Variants in GLB1L3 observed in about 807,000 individuals in gnomAD.
GLB1L3 encodes beta-galactosidase-1-like protein 3.
In GLB1L3, 89 loss-of-function variants were observed where a neutral mutation model predicts 89.5. The ratio of observed to expected loss-of-function variants is 0.99; its 90% CI spans 0.84 to 1.19. The LOEUF is 1.19. GLB1L3 is among the 50% of genes most tolerant of loss of function. The pLI is 0.00. For synonymous variants in GLB1L3, 314 were observed against 312.3 expected, an observed-to-expected ratio of 1.01 and a Z score of -0.06; for missense variants, 812 against 813.3, an observed-to-expected ratio of 1.00 and a Z score of 0.02.
downstream of GLB1L3, among the ~76,000 whole-genome samples, chr11:134,319,720 G>GTA (rs1457369019): frequency 8.1e-6 from 1 of 122,854 alleles, no homozygotes; most frequent in African/African-American, 3.2e-5. Context: ...CTCTCTCTCT[G>GTA]TGTATGTGTG....
chr11:134,292,363 A>G (rs1371143676), intron 8 of GLB1L3, 150 bp downstream of exon 8: 1 of 601,288 alleles, frequency 1.7e-6, no homozygotes, highest in Non-Finnish European at 3.0e-6. Flanking sequence ...GTTACAATAA[A>G]TGAGGACTCA....
chr11:134,286,932 G>A (rs1282091978), intron 6 of GLB1L3, among the ~76,000 whole-genome samples: 2 of 151,338 alleles, frequency 1.3e-5, no homozygotes, highest in Admixed American at 1.3e-4. Context: ...AGGCCGAGGT[G>A]GGTGGATCAC....
intron 9 of GLB1L3, among the ~76,000 whole-genome samples, chr11:134,301,131 G>A (rs1372896305): frequency 2.0e-5 from 3 of 152,176 alleles, no homozygotes; most frequent in Non-Finnish European, 4.4e-5. Flanking sequence ...AGAGGATCTA[G>A]CCCCAGGTAA....
At chr11:134,306,288 C>A (rs1942201514) in intron 9 of GLB1L3, among the ~76,000 whole-genome samples, 1 of 152,128 alleles carries the variant, frequency 6.6e-6, no homozygotes, top group Non-Finnish European at 1.5e-5. Flanking sequence ...TGAATTTTAA[C>A]TTAGAATTTT....
rs762722221 is a variant in GLB1L3 at position 134,308,357 on chromosome 11, TACC to T, written c.961+1169_961+1171del. 7.3e-3 allele frequency among the ~76,000 whole-genome samples: 89 copies of T among 12,114 alleles called. 1 individual carries two copies. Among genetic ancestry groups the T allele is most frequent in the Middle Eastern group, 0.026 (1 of 38 alleles). The allele number at this position is 12,114 out of a possible 152,430, so 7.9% of individuals were successfully genotyped here. ...CCATCACCATCATCACCATCACCAC[TACC>T]ACCACCACCACCACCACCATCACCA... On this transcript the variant is annotated intron_variant, in intron 10 of 19. Transcript: ENST00000431683.
intron 3 of GLB1L3, among the ~76,000 whole-genome samples, chr11:134,279,509 G>C (rs1295023919): frequency 6.6e-6 from 1 of 151,732 alleles, no homozygotes; most frequent in Non-Finnish European, 1.5e-5. Context: ...TGGGATTATG[G>C]CTCCCGCCAC....
At chr11:134,309,481 C>T in intron 10 of GLB1L3, 145 bp from the exon 11 acceptor site, 1 of 439,966 alleles carries the variant, frequency 2.3e-6, no homozygotes, top group Non-Finnish European at 3.9e-6. Flanking sequence ...TTAAAGTCTC[C>T]ATTCCCAAGA....
rs2136229946 is a variant in GLB1L3, at chr11:134,314,401, A to C, written c.1739A>C (p.Lys580Thr). The C allele has an allele frequency of 1.9e-6, 3 of 1,551,560 alleles. No homozygotes were observed. In the East Asian group the frequency reaches 7.3e-5, roughly 38 times the overall value. The change falls in exon 18 of 20, where the codon AAG (lysine) becomes ACG (threonine). Residue 580 changes from lysine to threonine, a missense_variant. By Grantham distance (78) the Lys-to-Thr change is moderately conservative. Around this residue, in one of 3 missense-constraint regions of GLB1L3, gnomAD observed 618 missense variants for 604.0 expected, o/e 1.02. Coordinates refer to ENST00000431683, the MANE Select transcript of GLB1L3 (RefSeq NM_001080407.3). ...CCGGCCTTCTACTGTGGGACCTTGA[A>C]GGCTGGCCCTTCTCCCAAGGACACC... The part of the protein sequence containing the change: ...QGPAFYCGTL[K>T]AGPSPKDTFL...
At chr11:134,300,804 G>A (rs1941908524) in intron 9 of GLB1L3, among the ~76,000 whole-genome samples, 1 of 152,164 alleles carries the variant, frequency 6.6e-6, no homozygotes, top group Non-Finnish European at 1.5e-5. Context: ...CGGTGACATG[G>A]GATTAAGACC....
chr11:134,315,798 T>A (rs1942952636), intron 18 of GLB1L3, among the ~76,000 whole-genome samples: 1 of 152,186 alleles, frequency 6.6e-6, no homozygotes, highest in South Asian at 2.1e-4. Context: ...TTATCTTTAT[T>A]ATTTTGTTTA....
At chr11:134,307,290 T>C (rs958362975) in intron 10 of GLB1L3, 82 bp downstream of exon 10, 2 of 975,446 alleles carry the variant, frequency 2.1e-6, no homozygotes, top group Non-Finnish European at 3.2e-6. Context: ...CTCTGCTAAT[T>C]GATTCACTTG....
intron 11 of GLB1L3, chr11:134,310,348 G>A: frequency 1.8e-6 from 1 of 545,748 alleles, no homozygotes; most frequent in Non-Finnish European, 3.3e-6. Context: ...GTGAAGAAGT[G>A]GGGGCAAGCC....
chr11:134,297,806 G>C (rs1941729373), intron 9 of GLB1L3, among the ~76,000 whole-genome samples: 1 of 137,816 alleles, frequency 7.3e-6, no homozygotes. Context: ...GTAGCAGTGA[G>C]CCAAGGTCGT....
intron 10 of GLB1L3, among the ~76,000 whole-genome samples, chr11:134,308,226 CCACCACCACCAT>C (rs1565412519): frequency 3.6e-5 from 1 of 27,748 alleles, no homozygotes; most frequent in Non-Finnish European, 8.0e-5. Flanking sequence ...ATCACCATCA[CCACCACCACCAT>C]CACCATCACC....
rs888331463 is a variant in GLB1L3, at chr11:134,277,299, T to A, written c.24-27T>A. 5 of 1,613,594 alleles carry A rather than the reference T, an allele frequency of 3.1e-6. No individual in the cohort carries two copies. In the South Asian group the frequency reaches 5.5e-5, roughly 18 times the overall value. ...CCCGGTGGGGCCGGAACCTTCCCCTTGTCACTGTTGTCCTTTCTCCTTTCA... is the reference window on the plus strand; with the variant it reads ...CCCGGTGGGGCCGGAACCTTCCCCTAGTCACTGTTGTCCTTTCTCCTTTCA... On this transcript the variant is annotated intron_variant, in intron 1 of 19. Transcript: ENST00000431683.
At chr11:134,280,984 A>G (rs1036160276) in intron 3 of GLB1L3, among the ~76,000 whole-genome samples, 1 of 152,230 alleles carries the variant, frequency 6.6e-6, no homozygotes, top group African/African-American at 2.4e-5. Context: ...TAACTCCACT[A>G]TCTTCACAGA....
intron 5 of GLB1L3, 123 bp downstream of exon 5, chr11:134,282,243 C>A: frequency 8.4e-7 from 1 of 1,185,734 alleles, no homozygotes; most frequent in Non-Finnish European, 1.2e-6. Flanking sequence ...AGGTGTGCTG[C>A]CCCACGCCAC....
rs1942403443 is a variant in GLB1L3, at chr11:134,308,350, TC to T, written c.961+1143del. ...ACCATCACCATCACCATCATCACCA[TC>T]ACCACTACCACCACCACCACCACCA... On this transcript the variant is annotated intron_variant, in intron 10 of 19. Transcript: ENST00000431683. 6.7e-4 allele frequency among the ~76,000 whole-genome samples: 13 copies of T among 19,368 alleles called. 1 individual carries two copies. In the South Asian group the frequency reaches 8.9e-3, roughly 13 times the overall value. The allele number at this position is 19,368 out of a possible 152,430, so 12.7% of individuals were successfully genotyped here.
Position 134,277,334 on chromosome 11 carries a change from T to C in GLB1L3, c.32T>C (p.Leu11Pro). The change falls in exon 2 of 20, where the codon CTC (leucine) becomes CCC (proline). Residue 11 changes from leucine to proline, a missense_variant. By Grantham distance (98) the Leu-to-Pro change is moderately conservative. Transcript: ENST00000431683. The stretch of plus-strand genomic sequence containing the variant: ...GTCCTTTCTCCTTTCAGCCCGTGTC[T>C]CTCCTGGAAGAGAATGGCGGGCATC... MKSPPLLSPC[L>P]SWKRMAGIFF... 6.2e-7 allele frequency: 1 copy of C among 1,613,924 alleles called. No individual in the cohort carries two copies. Among genetic ancestry groups the C allele is most frequent in the Non-Finnish European group, 8.5e-7 (1 of 1,179,900 alleles).
Sources: gnomAD v4.1 joint callset for allele counts (sites outside exome capture counted in the v4.1 genomes callset) on GRCh38, gnomAD v4.1.1 for gene constraint, gnomAD v4.1.1 regional missense constraint, MANE v1.5 for transcripts, NCBI Gene and HGNC (gene_info 2026-07-23, HGNC 2026-07-21) for gene names.